Variants in SLC10A7 observed in about 807,000 individuals in gnomAD.
SLC10A7 encodes sodium/bile acid cotransporter 7.
SLC10A7 carries 29 observed loss-of-function variants against 43.2 expected under a neutral mutation model. The observed-to-expected ratio is 0.67, with a 90% CI of 0.50 to 0.92. The LOEUF is 0.92. SLC10A7 is among the 40% of genes least tolerant of loss of function. The pLI is 0.00. For missense variants in SLC10A7, 295 were observed against 403.2 expected (o/e 0.73, Z 2.30); for synonymous variants, 152 against 144.8 (o/e 1.05, Z -0.35).
At chr4:146,496,677 C>G (rs1182116666) in intron 4 of SLC10A7, among the ~76,000 whole-genome samples, 1 of 152,160 alleles carries the variant, frequency 6.6e-6, no homozygotes, top group African/African-American at 2.4e-5. Flanking sequence ...CCACAACTAT[C>G]CATTTATTTC....
chr4:146,314,332 T>C (rs1268431652), intron 6 of SLC10A7, among the ~76,000 whole-genome samples: 2 of 152,158 alleles, frequency 1.3e-5, no homozygotes, highest in South Asian at 2.1e-4. Flanking sequence ...TGGAAACTAA[T>C]TGGAGAGACA....
intron 4 of SLC10A7, among the ~76,000 whole-genome samples, chr4:146,503,417 T>C (rs957335597): frequency 2.6e-5 from 4 of 152,230 alleles, no homozygotes; most frequent in African/African-American, 9.6e-5. Context: ...CCTAACCTAA[T>C]TTCTTCTTTT....
At chr4:146,395,849 T>C (rs1301751124) in intron 5 of SLC10A7, among the ~76,000 whole-genome samples, 7 of 152,192 alleles carry the variant, frequency 4.6e-5, no homozygotes, top group Non-Finnish European at 1.0e-4. Context: ...TATTCAACCA[T>C]ACATGTCATT....
intron 3 of SLC10A7, 35 bp from the exon 4 acceptor site, chr4:146,503,959 T>G: frequency 6.4e-7 from 1 of 1,568,468 alleles, no homozygotes; most frequent in Non-Finnish European, 8.8e-7. Context: ...TATAAATAAT[T>G]TTATAATCAT....
chr4:146,334,135 G>A (rs777864758), intron 5 of SLC10A7, among the ~76,000 whole-genome samples: 19 of 152,050 alleles, frequency 1.2e-4, no homozygotes, highest in Non-Finnish European at 2.5e-4. Flanking sequence ...AACTGGGGAT[G>A]CACAGACTCA....
intron 5 of SLC10A7, among the ~76,000 whole-genome samples, chr4:146,345,976 G>A (rs1440860461): frequency 1.3e-5 from 2 of 152,078 alleles, no homozygotes; most frequent in Non-Finnish European, 2.9e-5. Flanking sequence ...GCACACAGAG[G>A]TTAGCTAATT....
intron 5 of SLC10A7, among the ~76,000 whole-genome samples, chr4:146,402,056 C>T (rs759984331): frequency 2.0e-5 from 3 of 152,246 alleles, no homozygotes; most frequent in Non-Finnish European, 4.4e-5. Flanking sequence ...GAGTTGCAGA[C>T]ATGATACCCC....
intron 4 of SLC10A7, among the ~76,000 whole-genome samples, chr4:146,465,295 CT>C (rs1335384695): frequency 6.6e-6 from 1 of 152,080 alleles, no homozygotes; most frequent in Admixed American, 6.6e-5. Flanking sequence ...TATACTTTTG[CT>C]TTTAAAACTG....
chr4:146,504,797 A>G (rs1374514823), intron 3 of SLC10A7, among the ~76,000 whole-genome samples: 1 of 152,190 alleles, frequency 6.6e-6, no homozygotes, highest in African/African-American at 2.4e-5. Flanking sequence ...CAGGCATGAC[A>G]CAATCACATA....
chr4:146,337,560 T>C (rs976130467), intron 5 of SLC10A7, among the ~76,000 whole-genome samples: 1 of 152,040 alleles, frequency 6.6e-6, no homozygotes, highest in African/African-American at 2.4e-5. Flanking sequence ...TCAGTTGATA[T>C]AAAACACCAC....
At chr4:146,490,951 T>C (rs1467845098) in intron 4 of SLC10A7, among the ~76,000 whole-genome samples, 1 of 152,152 alleles carries the variant, frequency 6.6e-6, no homozygotes, top group African/African-American at 2.4e-5. Context: ...ATTAAAAAGA[T>C]ACAAAAGAAA....
intron 4 of SLC10A7, among the ~76,000 whole-genome samples, chr4:146,444,440 G>A (rs1281887358): frequency 6.6e-6 from 1 of 152,084 alleles, no homozygotes; most frequent in East Asian, 1.9e-4. Context: ...GAGGAAAAGA[G>A]ACTCAGAAGT....
chr4:146,337,572 A>G (rs1419898434), intron 5 of SLC10A7, among the ~76,000 whole-genome samples: 1 of 152,026 alleles, frequency 6.6e-6, no homozygotes, highest in Non-Finnish European at 1.5e-5. Flanking sequence ...AAACACCACC[A>G]TCATAAAAAT....
At chr4:146,508,924 T>A (rs1213294821) in intron 3 of SLC10A7, among the ~76,000 whole-genome samples, 1 of 152,206 alleles carries the variant, frequency 6.6e-6, no homozygotes, top group Admixed American at 6.5e-5. Context: ...TTTATACCGC[T>A]AGGACATGGT....
intron 5 of SLC10A7, among the ~76,000 whole-genome samples, chr4:146,441,164 TAAGAAAAAAAAAGTGAAGAA>T (rs1164184906): frequency 6.6e-6 from 1 of 150,828 alleles, no homozygotes; most frequent in African/African-American, 2.4e-5. Flanking sequence ...TGAATTAGGG[TAAGAAAAAAAAAGTGAAGAA>T]AAGAAAAAGA....
At chr4:146,405,360 T>A (rs754845883) in intron 5 of SLC10A7, among the ~76,000 whole-genome samples, 1 of 152,180 alleles carries the variant, frequency 6.6e-6, no homozygotes, top group Non-Finnish European at 1.5e-5. Flanking sequence ...ACTTCTCTGA[T>A]CATTTTATAA....
In SLC10A7 at chr4:146,517,086, A is replaced by C. The variant is rs1465168350; in HGVS notation, c.135T>G (p.Ile45Met). The change falls in exon 2 of 12, where the codon ATT becomes ATG. Residue 45 changes from isoleucine to methionine, a missense_variant. Ile to Met is a conservative substitution (Grantham distance 10, BLOSUM62 1). Coordinates refer to ENST00000335472, the MANE Select transcript of SLC10A7 (RefSeq NM_001029998.6). Reference sequence around the variant, plus strand: ...TGTTAAAGAATATTGTTGCAACAGCAATGTAGGATACAGTTATTTCTGGCT... The same window carrying C: ...TGTTAAAGAATATTGTTGCAACAGCCATGTAGGATACAGTTATTTCTGGCT... ...PLKPEITVSYIAVATIFFNSG... is the reference protein window; with the variant it reads ...PLKPEITVSYMAVATIFFNSG... 6.2e-7 allele frequency: 1 copy of C among 1,610,526 alleles called. No individual in the cohort carries two copies. Among genetic ancestry groups the C allele is most frequent in the Non-Finnish European group, 8.5e-7 (1 of 1,177,644 alleles).
intron 11 of SLC10A7, among the ~76,000 whole-genome samples, chr4:146,258,245 A>T (rs1193042669): frequency 6.6e-6 from 1 of 151,940 alleles, no homozygotes; most frequent in East Asian, 1.9e-4. Context: ...CAAATAGGTT[A>T]TTATATATCT....
rs545164684 is a variant in SLC10A7 at position 146,501,082 on chromosome 4, C to A, written c.396+2767G>T. ...TTGCCTTTGCTGGTTATTCCTCATT[C>A]CCTTGACCTCTTAATGTTGGAGTGA... On this transcript the variant is annotated intron_variant, in intron 4 of 11. Coordinates refer to ENST00000335472, the MANE Select transcript of SLC10A7 (RefSeq NM_001029998.6). Among the ~76,000 whole-genome samples, 3 of 152,274 alleles carry A rather than the reference C, an allele frequency of 2.0e-5. No individual in the cohort carries two copies. In the South Asian group the frequency reaches 6.2e-4, roughly 32 times the overall value.
Sources: allele counts gnomAD v4.1 joint callset (sites outside exome capture counted in the v4.1 genomes callset), GRCh38; gene constraint gnomAD v4.1.1; transcripts MANE v1.5; gene names NCBI Gene and HGNC (gene_info 2026-07-23, HGNC 2026-07-21).